OMA1: variants seen among roughly 807,000 people sequenced by gnomAD.
The protein encoded by OMA1 is OMA1 zinc metallopeptidase.
A neutral mutation model predicts 30.9 loss-of-function variants in OMA1; 38 were observed. That is an observed-to-expected ratio of 1.23 (90% CI 0.95 to 1.61). The LOEUF (loss-of-function observed/expected upper bound fraction) is 1.61. OMA1 is among the 40% of genes most tolerant of loss of function. The probability of loss-of-function intolerance (pLI) is 0.00; values close to 1 mark genes in which losing one functional copy is unlikely to be tolerated. For missense variants in OMA1, 461 were observed against 349.2 expected, an observed-to-expected ratio of 1.32 and a Z score of -2.55; for synonymous variants, 173 against 121.9, an observed-to-expected ratio of 1.42 and a Z score of -2.76.
At chr1:58,489,662 C>A (rs1240472367) in intron 8 of OMA1, among the ~76,000 whole-genome samples, 2 of 152,248 alleles carry the variant, frequency 1.3e-5, no homozygotes, top group East Asian at 3.9e-4. Context: ...GGTCCCTGAC[C>A]CCTGAGTAGC....
At chr1:58,506,897 C>T (rs1020150640) in intron 7 of OMA1, among the ~76,000 whole-genome samples, 4 of 151,872 alleles carry the variant, frequency 2.6e-5, no homozygotes, top group African/African-American at 4.8e-5. Context: ...TATAAAAGTA[C>T]ATTAGTACTT....
At chr1:58,505,564 C>G (rs1395671747) in intron 8 of OMA1, among the ~76,000 whole-genome samples, 1 of 152,084 alleles carries the variant, frequency 6.6e-6, no homozygotes, top group East Asian at 1.9e-4. Context: ...ATGCTTCACT[C>G]TTATCTTCAT....
intron 8 of OMA1, among the ~76,000 whole-genome samples, chr1:58,483,804 G>T (rs901116483): frequency 6.6e-6 from 1 of 152,174 alleles, no homozygotes; most frequent in African/African-American, 2.4e-5. Flanking sequence ...CTGCAAAATT[G>T]GGACGTACGG....
chr1:58,521,091 A>G (rs182009856), intron 7 of OMA1, among the ~76,000 whole-genome samples: 83 of 152,334 alleles, frequency 5.4e-4, no homozygotes, highest in Non-Finnish European at 1.1e-3. Flanking sequence ...GTCATTCAGT[A>G]TATTATCCAA....
rs1051900598 is a variant in OMA1 at position 58,534,189 on chromosome 1, T to G, written c.872A>C (p.Asp291Ala). 4.6e-6 allele frequency: 4 copies of G among 871,646 alleles called. No individual in the cohort carries two copies. The highest frequency in any genetic ancestry group is 1.6e-5 in the African/African-American group (1 of 61,300). The allele number at this position is 871,646 out of a possible 1,614,324, so 54.0% of individuals were successfully genotyped here. A position where few individuals can be genotyped will look rare whatever the true frequency, so the allele number is the denominator to read the frequency against. The stretch of plus-strand genomic sequence containing the variant: ...CACGAAGGCATTAATAATTGGGGAA[T>G]CAACCACATGAATAACCCAATTGAT... ...SQINWVIHVV[D>A]SPIINAFVLP... The change falls in exon 4 of 9, where the codon GAT (aspartate) becomes GCT (alanine). Residue 291 changes from aspartate to alanine, a missense_variant. Coordinates refer to ENST00000371226, the MANE Select transcript of OMA1 (RefSeq NM_145243.5).
At chr1:58,495,151 C>G (rs1455928937) in intron 8 of OMA1, among the ~76,000 whole-genome samples, 1 of 152,150 alleles carries the variant, frequency 6.6e-6, no homozygotes. Context: ...CCATCATTCT[C>G]AGCAAACTAT....
intron 7 of OMA1, 52 bp downstream of exon 7, chr1:58,527,209 A>C: frequency 1.2e-6 from 1 of 846,628 alleles, no homozygotes; most frequent in Non-Finnish European, 2.1e-6. Flanking sequence ...ACACACGTTT[A>C]TCTTTCAGCC....
intron 6 of OMA1, among the ~76,000 whole-genome samples, chr1:58,529,457 T>C (rs1361075362): frequency 6.6e-6 from 1 of 152,240 alleles, no homozygotes; most frequent in Non-Finnish European, 1.5e-5. Context: ...AATGAGGCAC[T>C]CAATACATTT....
chr1:58,544,202 A>G (rs1465249410), intron 1 of OMA1, among the ~76,000 whole-genome samples: 1 of 152,234 alleles, frequency 6.6e-6, no homozygotes, highest in Admixed American at 6.5e-5. Context: ...GAACTTAAAA[A>G]ATTTTAACGA....
At chr1:58,545,588 A>G (rs1369857852) in intron 1 of OMA1, among the ~76,000 whole-genome samples, 3 of 152,222 alleles carry the variant, frequency 2.0e-5, no homozygotes, top group Non-Finnish European at 4.4e-5. Context: ...GACTTCTAGG[A>G]TAACAAAATT....
At position 58,481,134 on chromosome 1, in the gene OMA1, G is replaced by T; in HGVS notation, c.1406C>A (p.Ser469Tyr). ...IREMCNCPPLSNPDPRLLFKL... is the reference protein window; with the variant it reads ...IREMCNCPPLYNPDPRLLFKL... ...GAATAGTAATCGAGGGTCTGGATTA[G>T]ACAGTGGTGGACAATTACACATCTC... The change falls in exon 9 of 9, where the codon TCT (serine) becomes TAT (tyrosine). Residue 469 changes from serine to tyrosine, a missense_variant. Coordinates refer to ENST00000371226, the MANE Select transcript of OMA1 (RefSeq NM_145243.5). The T allele has an allele frequency of 1.2e-6, 1 of 866,160 alleles. No homozygotes were observed. The highest frequency in any genetic ancestry group is 2.4e-5 in the East Asian group (1 of 41,370). 53.7% of individuals were successfully genotyped at this position (866,160 alleles called of 1,614,324 possible). A position where few individuals can be genotyped will look rare whatever the true frequency, so the allele number is the denominator to read the frequency against.
At chr1:58,530,542 A>T (rs751350659) in intron 6 of OMA1, 59 bp downstream of exon 6, 2 of 796,704 alleles carry the variant, frequency 2.5e-6, no homozygotes, top group African/African-American at 3.4e-5. Flanking sequence ...GCTTTACAGT[A>T]GTATTAAAAT....
At chr1:58,507,870 G>A (rs560281889) in intron 7 of OMA1, among the ~76,000 whole-genome samples, 1 of 151,954 alleles carries the variant, frequency 6.6e-6, no homozygotes, top group Non-Finnish European at 1.5e-5. Context: ...AATATAAAAT[G>A]ACTTGAAAGA....
At chr1:58,527,178 A>G in intron 7 of OMA1, 83 bp downstream of exon 7, 7 of 795,302 alleles carry the variant, frequency 8.8e-6, no homozygotes, top group Non-Finnish European at 1.4e-5. Flanking sequence ...TTCTCTGCTT[A>G]TGCCAAGCCT....
intron 8 of OMA1, among the ~76,000 whole-genome samples, chr1:58,483,161 T>C (rs1169031623): frequency 3.9e-5 from 6 of 152,164 alleles, no homozygotes; most frequent in Admixed American, 3.9e-4. Context: ...TAGCCTGCCA[T>C]CTGCCCCCTC....
intron 1 of OMA1, among the ~76,000 whole-genome samples, chr1:58,541,972 T>G (rs1646630697): frequency 6.6e-6 from 1 of 152,226 alleles, no homozygotes; most frequent in South Asian, 2.1e-4. Context: ...TATGTAAACT[T>G]CAACCTAAGC....
At position 58,484,073 on chromosome 1, in the gene OMA1, C is replaced by T. The variant is rs925666943; in HGVS notation, c.1366-2899G>A. Among the ~76,000 whole-genome samples, 13 of 152,138 alleles carry T rather than the reference C, an allele frequency of 8.5e-5. 1 individual carries two copies. The highest frequency in any genetic ancestry group is 7.9e-4 in the Admixed American group (12 of 15,282). On this transcript the variant is annotated intron_variant, in intron 8 of 8. Transcript: ENST00000371226. ...ATTCAGTAAAAACTCTTCTCTTATC[C>T]TTAAATTCGCTTATTCAGTCTTTTT...
At chr1:58,498,955 T>C (rs1026116295) in intron 8 of OMA1, among the ~76,000 whole-genome samples, 1 of 152,102 alleles carries the variant, frequency 6.6e-6, no homozygotes, top group African/African-American at 2.4e-5. Flanking sequence ...TAAGGCCACC[T>C]TGACATAGGA....
At chr1:58,539,879 G>A (rs61781822) in intron 1 of OMA1, among the ~76,000 whole-genome samples, 20,482 of 152,098 alleles carry the variant, frequency 0.13, 1,523 homozygotes, top group African/African-American at 0.19. Context: ...GGGAGGTCAA[G>A]TAAACCAAGG....
Sources: allele counts gnomAD v4.1 joint callset (sites outside exome capture counted in the v4.1 genomes callset), GRCh38; gene constraint gnomAD v4.1.1; transcripts MANE v1.5; gene names NCBI Gene and HGNC (gene_info 2026-07-23, HGNC 2026-07-21).